SHISAL1: variants seen among roughly 807,000 people sequenced by gnomAD.
SHISAL1 encodes the protein protein shisa-like-1.
A neutral mutation model predicts 22.6 loss-of-function variants in SHISAL1; 9 were observed. The ratio of observed to expected loss-of-function variants is 0.40; its 90% CI spans 0.24 to 0.70. The LOEUF (loss-of-function observed/expected upper bound fraction) is 0.70, where lower values mean the gene tolerates loss of function less well. Ranked by LOEUF, SHISAL1 falls within the 30% of genes least tolerant of loss-of-function variation. The probability of loss-of-function intolerance (pLI) is 0.39; values close to 1 mark genes in which losing one functional copy is unlikely to be tolerated. For missense variants in SHISAL1, 246 were observed against 270.6 expected (o/e 0.91, Z 0.64); for synonymous variants, 119 against 115.4 (o/e 1.03, Z -0.20).
chr22:44,268,662 G>A (rs1238855808), intron 4 of SHISAL1, among the ~76,000 whole-genome samples: 1 of 152,202 alleles, frequency 6.6e-6, no homozygotes, highest in African/African-American at 2.4e-5. Context: ...GCAGGGAGAG[G>A]GTGTTTTAGA....
intron 4 of SHISAL1, among the ~76,000 whole-genome samples, chr22:44,255,631 C>CGCTG (rs2055079384): frequency 3.9e-5 from 6 of 152,212 alleles, no homozygotes; most frequent in African/African-American, 1.4e-4. Context: ...CGCTGGTCAG[C>CGCTG]GCTGGTCAGC....
intron 2 of SHISAL1, among the ~76,000 whole-genome samples, chr22:44,299,276 C>G (rs967726717): frequency 1.3e-5 from 2 of 152,198 alleles, no homozygotes; most frequent in African/African-American, 2.4e-5. Context: ...TTTCGGGCCC[C>G]GAAGCCTCAA....
upstream of SHISAL1, among the ~76,000 whole-genome samples, chr22:44,315,488 C>T (rs771822794): frequency 2.0e-5 from 3 of 152,086 alleles, no homozygotes; most frequent in African/African-American, 4.8e-5. Context: ...TGTGAATTCC[C>T]AGCCTCCTCC....
chr22:44,288,177 C>T (rs758422545), intron 3 of SHISAL1, among the ~76,000 whole-genome samples: 3 of 152,218 alleles, frequency 2.0e-5, no homozygotes, highest in African/African-American at 7.2e-5. Flanking sequence ...CCCTGCTTTA[C>T]GGATGGAAAA....
chr22:44,282,829 G>A (rs917122567), intron 4 of SHISAL1, among the ~76,000 whole-genome samples: 6 of 152,200 alleles, frequency 3.9e-5, no homozygotes, highest in Admixed American at 6.5e-5. Context: ...CAGTGTGCCC[G>A]AGGAGGGCCG....
chr22:44,312,501 C>T (rs1357731409), intron 1 of SHISAL1, among the ~76,000 whole-genome samples: 1 of 151,314 alleles, frequency 6.6e-6, no homozygotes, highest in Non-Finnish European at 1.5e-5. Flanking sequence ...GGTAGTAGCA[C>T]CAGCATCTGT....
At chr22:44,276,783 G>A (rs145855686) in intron 4 of SHISAL1, among the ~76,000 whole-genome samples, 448 of 152,262 alleles carry the variant, frequency 2.9e-3, no homozygotes, top group Non-Finnish European at 4.1e-3. Flanking sequence ...GAGAAAGAAC[G>A]GGAGGTGGAC....
chr22:44,298,585 C>A (rs2055403904), intron 2 of SHISAL1, among the ~76,000 whole-genome samples: 1 of 152,220 alleles, frequency 6.6e-6, no homozygotes, highest in Non-Finnish European at 1.5e-5. Flanking sequence ...GCGTGGGCAG[C>A]TGGGGAGGAA....
At chr22:44,279,560 C>T (rs144435199) in intron 4 of SHISAL1, among the ~76,000 whole-genome samples, 145 of 152,278 alleles carry the variant, frequency 9.5e-4, no homozygotes, top group Non-Finnish European at 1.4e-3. Flanking sequence ...AACTCTGGGA[C>T]CTCACAGGGG....
At chr22:44,297,770 AG>A (rs1464715409) in intron 2 of SHISAL1, among the ~76,000 whole-genome samples, 6 of 152,282 alleles carry the variant, frequency 3.9e-5, no homozygotes, top group Non-Finnish European at 8.8e-5. Flanking sequence ...AGGCTTAATT[AG>A]TATCTTCATA....
chr22:44,325,872 T>A, the SHISAL1 span, among the ~76,000 whole-genome samples: 1 of 151,828 alleles, frequency 6.6e-6, no homozygotes, highest in Non-Finnish European at 1.5e-5. Flanking sequence ...CTCTGCCTTC[T>A]TCTACTTGGC....
rs1440778449 is a variant in SHISAL1 at position 44,284,655 on chromosome 22, T to A, written c.599+773A>T. Among the ~76,000 whole-genome samples the A allele has an allele frequency of 2.6e-5, 4 of 152,310 alleles. No homozygotes were observed. The East Asian group carries it at 7.7e-4, about 29-fold the overall frequency. The stretch of plus-strand genomic sequence containing the variant: ...GGGAATCGACCCTCAGTCTGGCTCC[T>A]GTCCTTGGTGCTAGCCAGCCTCCCA... On this transcript the variant is annotated intron_variant, in intron 4 of 4. Transcript: ENST00000381176.
intron 3 of SHISAL1, among the ~76,000 whole-genome samples, chr22:44,286,386 C>T (rs1332849608): frequency 6.6e-6 from 1 of 152,164 alleles, no homozygotes; most frequent in African/African-American, 2.4e-5. Context: ...ATTTCCCCAC[C>T]GAGGGCTGCT....
At chr22:44,268,558 C>T (rs2055182224) in intron 4 of SHISAL1, among the ~76,000 whole-genome samples, 1 of 152,218 alleles carries the variant, frequency 6.6e-6, no homozygotes, top group African/African-American at 2.4e-5. Context: ...CCGGGACTCC[C>T]AGCCCAGGGT....
Position 44,296,695 on chromosome 22 carries a change from G to C in SHISAL1, c.258C>G (p.Ala86=). The change falls in exon 3 of 5, where the codon GCC becomes GCG. Residue 86 remains alanine (A), a synonymous_variant. Coordinates refer to ENST00000381176, the MANE Select transcript of SHISAL1 (RefSeq NM_001099294.2). ...ACTTGTGCATGTAACCCTCGGAGCTGGCCGTGAGGTTCGCCTGCATCACCG... is the reference window on the plus strand; with the variant it reads ...ACTTGTGCATGTAACCCTCGGAGCTCGCCGTGAGGTTCGCCTGCATCACCG... ...FQAVMQANLT[A]SSEGYMHNNY... is the part of the protein sequence containing the mutation. 1 of 1,613,850 alleles carries C rather than the reference G, an allele frequency of 6.2e-7. No individual in the cohort carries two copies. The highest frequency in any genetic ancestry group is 8.5e-7 in the Non-Finnish European group (1 of 1,180,028).
At chr22:44,250,465 G>A (rs1254100277) in intron 4 of SHISAL1, among the ~76,000 whole-genome samples, 1 of 152,216 alleles carries the variant, frequency 6.6e-6, no homozygotes, top group Non-Finnish European at 1.5e-5. Context: ...GCAGAGTCAA[G>A]TTGCAAACAA....
chr22:44,259,862 C>T (rs1281010371), intron 4 of SHISAL1, among the ~76,000 whole-genome samples: 1 of 152,172 alleles, frequency 6.6e-6, no homozygotes, highest in Non-Finnish European at 1.5e-5. Context: ...CTTAGCTCTT[C>T]AGGAGTGCAA....
At position 44,243,789 on chromosome 22, in the gene SHISAL1, C is replaced by A. The variant is rs1478496432; in HGVS notation, c.*5896G>T. The stretch of plus-strand genomic sequence containing the variant: ...AAAAACACATGATTATTCTTACATT[C>A]TAGTATTATTATTAGGAATATTATT... On this transcript the variant is annotated 3_prime_UTR_variant, in exon 5 of 5. Transcript: ENST00000381176. 2.6e-5 allele frequency: 4 copies of A among 152,174 alleles called. No homozygotes were observed. The highest frequency in any genetic ancestry group is 5.9e-5 in the Non-Finnish European group (4 of 68,034). The allele number at this position is 152,174 out of a possible 1,614,324, so 9.4% of individuals were successfully genotyped here.
rs1050555083 is a variant in SHISAL1 at position 44,247,219 on chromosome 22, C to T, written c.*2466G>A. On this transcript the variant is annotated 3_prime_UTR_variant, in exon 5 of 5. Transcript: ENST00000381176. ...AGCAGGACACGAGGGTTGCAAACTC[C>T]TTAAATACCCATCTGACTCCTTCCT... The T allele has an allele frequency of 6.6e-6, 1 of 152,188 alleles. No individual in the cohort carries two copies. 9.4% of individuals were successfully genotyped at this position (152,188 alleles called of 1,614,324 possible). A position where few individuals can be genotyped will look rare whatever the true frequency, so the allele number is the denominator to read the frequency against.
Sources: allele counts gnomAD v4.1 joint callset (sites outside exome capture counted in the v4.1 genomes callset), GRCh38; gene constraint gnomAD v4.1.1; transcripts MANE v1.5; gene names NCBI Gene and HGNC (gene_info 2026-07-23, HGNC 2026-07-21).